Variants in TBC1D20 observed in about 807,000 individuals in gnomAD.
The protein encoded by TBC1D20 is TBC1 domain family member 20, also known as chromosome 20 open reading frame 140.
TBC1D20 carries 12 observed loss-of-function variants against 41.6 expected under a neutral mutation model. The observed-to-expected ratio is 0.29, with a 90% CI of 0.18 to 0.47. The LOEUF is 0.47. Ranked by LOEUF, TBC1D20 falls within the 20% of genes least tolerant of loss-of-function variation. The pLI, the probability that TBC1D20 is intolerant of heterozygous loss-of-function variation, is 1.00. For missense variants in TBC1D20, 421 were observed against 517.4 expected (o/e 0.81, Z 1.81); for synonymous variants, 205 against 204.8 (o/e 1.00, Z -0.01).
intron 2 of TBC1D20, among the ~76,000 whole-genome samples, chr20:447,388 T>C (rs562258710): frequency 5.3e-5 from 8 of 152,094 alleles, no homozygotes; most frequent in African/African-American, 1.4e-4. Context: ...CTGGGCGTGG[T>C]AGCTCATGCC....
chr20:446,501 C>T (rs2017334653), intron 2 of TBC1D20, among the ~76,000 whole-genome samples: 1 of 152,060 alleles, frequency 6.6e-6, no homozygotes, highest in Non-Finnish European at 1.5e-5. Flanking sequence ...CCACCATACT[C>T]AGCTAATTTT....
intron 1 of TBC1D20, among the ~76,000 whole-genome samples, chr20:453,180 A>C (rs1444316834): frequency 8.7e-6 from 1 of 115,216 alleles, no homozygotes. Flanking sequence ...AAAAAAAAAA[A>C]AAAAAAAACA....
At chr20:459,485 T>G (rs887930792) in intron 1 of TBC1D20, among the ~76,000 whole-genome samples, 1 of 152,212 alleles carries the variant, frequency 6.6e-6, no homozygotes, top group African/African-American at 2.4e-5. Context: ...AGTAGAGGTC[T>G]TGGCTATCAT....
At chr20:444,110 C>T (rs1347769419) in intron 3 of TBC1D20, among the ~76,000 whole-genome samples, 2 of 133,494 alleles carry the variant, frequency 1.5e-5, no homozygotes, top group Non-Finnish European at 3.2e-5. Flanking sequence ...CAGCCTGCAA[C>T]AAGAGTGAAA....
intron 2 of TBC1D20, among the ~76,000 whole-genome samples, chr20:447,181 T>C (rs2017351440): frequency 1.4e-5 from 2 of 146,208 alleles, no homozygotes; most frequent in East Asian, 2.1e-4. Context: ...AGGCTGGTCT[T>C]GAACTTCTGA....
chr20:442,704 T>C (rs1203353606), intron 3 of TBC1D20, among the ~76,000 whole-genome samples: 1 of 152,182 alleles, frequency 6.6e-6, no homozygotes, highest in Non-Finnish European at 1.5e-5. Context: ...CTGAAACACT[T>C]GGGGTAAAAA....
Position 462,419 on chromosome 20 carries a change from G to A in TBC1D20, c.-14C>T. 1.6e-6 allele frequency: 2 copies of A among 1,215,682 alleles called. No individual in the cohort carries two copies. The highest frequency in any genetic ancestry group is 2.8e-5 in the South Asian group (1 of 36,018). 75.3% of individuals were successfully genotyped at this position (1,215,682 alleles called of 1,614,324 possible). On this transcript the variant is annotated 5_prime_UTR_variant, in exon 1 of 8. Transcript: ENST00000354200. ...CCGGAGGGCCATGCCCCGGGGCCCC[G>A]GGCCCCCACCCGAGCCCCGGCTGGT...
chr20:455,594 G>C (rs1009243244), intron 1 of TBC1D20, among the ~76,000 whole-genome samples: 2 of 151,950 alleles, frequency 1.3e-5, no homozygotes, highest in African/African-American at 2.4e-5. Context: ...CTCCAGACTG[G>C]GCAACAGAGT....
chr20:449,672 T>C (rs573204216), intron 1 of TBC1D20, among the ~76,000 whole-genome samples: 6 of 152,290 alleles, frequency 3.9e-5, no homozygotes, highest in African/African-American at 1.4e-4. Flanking sequence ...CTGCCACTTA[T>C]CTGATCCATA....
intron 5 of TBC1D20, 181 bp from the exon 6 acceptor site, chr20:440,570 C>T (rs901486873): frequency 1.4e-6 from 1 of 732,916 alleles, no homozygotes; most frequent in Middle Eastern, 4.1e-4. Flanking sequence ...AGGTGTACCA[C>T]AACACTAACA....
chr20:443,421 A>C (rs2017274867), intron 3 of TBC1D20, among the ~76,000 whole-genome samples: 1 of 152,188 alleles, frequency 6.6e-6, no homozygotes. Flanking sequence ...GGTTAGAAGA[A>C]TGGCACATGC....
chr20:459,181 A>G (rs1344182108), intron 1 of TBC1D20, among the ~76,000 whole-genome samples: 2 of 152,202 alleles, frequency 1.3e-5, no homozygotes, highest in Non-Finnish European at 2.9e-5. Flanking sequence ...CATCCTGTTT[A>G]TTTCCGAAAG....
At chr20:459,432 G>A (rs2017594122) in intron 1 of TBC1D20, among the ~76,000 whole-genome samples, 1 of 152,064 alleles carries the variant, frequency 6.6e-6, no homozygotes, top group Admixed American at 6.6e-5. Context: ...TTACAAGATA[G>A]TGCACTATTA....
rs1029969873 is a variant in TBC1D20, at chr20:435,915, G to C, written c.*2671C>G. 1 of 152,514 alleles carries C rather than the reference G, an allele frequency of 6.6e-6. No homozygotes were observed. Among genetic ancestry groups the C allele is most frequent in the East Asian group, 1.9e-4 (1 of 5,210 alleles). 9.4% of individuals were successfully genotyped at this position (152,514 alleles called of 1,614,324 possible). On this transcript the variant is annotated 3_prime_UTR_variant, in exon 8 of 8. Transcript: ENST00000354200. ...TACAGTCAGATTAAAGTCTGGTGTT[G>C]AGCAAGTGAAATGGGGCAGGAGAAG... is the stretch of plus-strand genomic sequence containing the variant.
chr20:441,404 A>G, intron 5 of TBC1D20, 184 bp downstream of exon 5: 2 of 600,474 alleles, frequency 3.3e-6, no homozygotes, highest in Non-Finnish European at 3.0e-6. Context: ...CAAAGAGCAC[A>G]GTCCCCAAAA....
intron 2 of TBC1D20, among the ~76,000 whole-genome samples, chr20:446,247 T>C (rs752603779): frequency 3.9e-5 from 6 of 152,254 alleles, no homozygotes; most frequent in Admixed American, 1.3e-4. Context: ...GGAACTCTTT[T>C]CACCACATGG....
At chr20:458,749 T>C (rs2017582907) in intron 1 of TBC1D20, among the ~76,000 whole-genome samples, 1 of 152,226 alleles carries the variant, frequency 6.6e-6, no homozygotes. Context: ...TGGAAAAAAC[T>C]GGCTTGCAGT....
chr20:440,746 G>C (rs2017213304), intron 5 of TBC1D20: 1 of 180,196 alleles, frequency 5.5e-6, no homozygotes, highest in Non-Finnish European at 1.2e-5. Flanking sequence ...TCCCAAGCCT[G>C]AAAACATGAC....
chr20:456,362 TTCATCC>T (rs2017540072), intron 1 of TBC1D20, among the ~76,000 whole-genome samples: 1 of 141,100 alleles, frequency 7.1e-6, no homozygotes, highest in Non-Finnish European at 1.6e-5. Flanking sequence ...CATTCATCCA[TTCATCC>T]GCCTGCCCAT....
Sources: allele counts gnomAD v4.1 joint callset (sites outside exome capture counted in the v4.1 genomes callset), GRCh38; gene constraint gnomAD v4.1.1; transcripts MANE v1.5; gene names NCBI Gene and HGNC (gene_info 2026-07-23, HGNC 2026-07-21).